The following TINAG variants were observed in gnomAD, a reference collection of about 807,000 sequenced individuals.
TINAG encodes tubulointerstitial nephritis antigen.
In TINAG, 83 loss-of-function variants were observed where a neutral mutation model predicts 72.7. The observed-to-expected ratio is 1.14, with a 90% CI of 0.96 to 1.37. The LOEUF (loss-of-function observed/expected upper bound fraction) is 1.37, where lower values mean the gene tolerates loss of function less well. TINAG is among the 40% of genes most tolerant of loss of function. The pLI is 0.00. For synonymous variants in TINAG, 234 were observed against 189.9 expected (o/e 1.23, Z -1.91); for missense variants, 685 against 576.6 (o/e 1.19, Z -1.93).
intron 8 of TINAG, among the ~76,000 whole-genome samples, chr6:54,353,524 A>G (rs1315254491): frequency 1.3e-5 from 2 of 151,914 alleles, no homozygotes; most frequent in Non-Finnish European, 2.9e-5. Flanking sequence ...AGATCTGCGT[A>G]AAGTACAGTT....
chr6:54,389,491 T>G (rs1328656143), intron 10 of TINAG, among the ~76,000 whole-genome samples: 1 of 152,216 alleles, frequency 6.6e-6, no homozygotes, highest in Admixed American at 6.5e-5. Flanking sequence ...AGTAGACAAC[T>G]CTATAACTGC....
intron 9 of TINAG, among the ~76,000 whole-genome samples, chr6:54,357,329 G>T (rs1227112239): frequency 6.6e-6 from 1 of 151,754 alleles, no homozygotes; most frequent in Non-Finnish European, 1.5e-5. Flanking sequence ...CATTCTCTGA[G>T]TTCATCCTGG....
At chr6:54,310,769 TTCTC>T (rs1784231728) in intron 1 of TINAG, among the ~76,000 whole-genome samples, 1 of 149,096 alleles carries the variant, frequency 6.7e-6, no homozygotes, top group African/African-American at 2.5e-5. Flanking sequence ...TTCTCTCTCT[TTCTC>T]TCCCTTTCTT....
At chr6:54,382,997 C>G (rs2150984034) in intron 10 of TINAG, among the ~76,000 whole-genome samples, 1 of 152,244 alleles carries the variant, frequency 6.6e-6, no homozygotes, top group Middle Eastern at 3.4e-3. Context: ...GGCTGCATTT[C>G]TTTTGAGATG....
chr6:54,347,217 A>C (rs912553865), intron 5 of TINAG, 150 bp from the exon 6 acceptor site: 1 of 736,018 alleles, frequency 1.4e-6, no homozygotes, highest in African/African-American at 1.8e-5. Flanking sequence ...AACTGTCTGG[A>C]ATACATAAAT....
At chr6:54,330,676 T>C (rs1337844549) in intron 4 of TINAG, among the ~76,000 whole-genome samples, 1 of 152,096 alleles carries the variant, frequency 6.6e-6, no homozygotes, top group Non-Finnish European at 1.5e-5. Context: ...AGCTGGTTTT[T>C]TGAAAAGATT....
At position 54,308,581 on chromosome 6, in the gene TINAG, T is replaced by C. The variant is rs1225448578; in HGVS notation, c.31T>C (p.Ser11Pro). The C allele has an allele frequency of 6.2e-7, 1 of 1,612,862 alleles. No individual in the cohort carries two copies. The highest frequency in any genetic ancestry group is 1.1e-5 in the South Asian group (1 of 90,996). The change falls in exon 1 of 11, where the codon TCT becomes CCT. Residue 11 changes from serine (S) to proline (P), a missense_variant. Transcript: ENST00000259782. MWTGYKILIF[S>P]YLTTEIWMEK... ...GACCGGATATAAGATCTTAATCTTC[T>C]CTTATCTTACTACAGAAATCTGGAT... is the stretch of plus-strand genomic sequence containing the variant.
intron 1 of TINAG, among the ~76,000 whole-genome samples, chr6:54,311,869 A>G (rs1422908418): frequency 6.6e-6 from 1 of 152,190 alleles, no homozygotes; most frequent in East Asian, 1.9e-4. Context: ...CATAAAATTT[A>G]TAGACTTATT....
Position 54,320,628 on chromosome 6 carries a change from A to C in TINAG, c.405A>C (p.Glu135Asp). The change falls in exon 2 of 11, where the codon GAA (glutamate) becomes GAC (aspartate). Residue 135 changes from glutamate (E) to aspartate (D), a missense_variant. By Grantham distance (45) the Glu-to-Asp change is conservative (BLOSUM62 2). Transcript: ENST00000259782. ...ATGAAGAGGGATCAGTAATTAAAGA[A>C]AACTGCAACTCCTGGTAATAAATTT... ...QHYEEGSVIK[E>D]NCNSCTCSGQ... 1 of 1,608,932 alleles carries C rather than the reference A, an allele frequency of 6.2e-7. No homozygotes were observed. The highest frequency in any genetic ancestry group is 8.5e-7 in the Non-Finnish European group (1 of 1,177,280).
intron 2 of TINAG, among the ~76,000 whole-genome samples, 164 bp downstream of exon 2, chr6:54,320,806 T>C (rs781673987): frequency 2.0e-5 from 3 of 152,176 alleles, no homozygotes; most frequent in Non-Finnish European, 4.4e-5. Context: ...ATATTTAATT[T>C]TAAGGGATTT....
At chr6:54,349,605 G>T (rs1582729172) in intron 6 of TINAG, 111 bp from the exon 7 acceptor site, 3 of 1,021,174 alleles carry the variant, frequency 2.9e-6, no homozygotes, top group East Asian at 5.8e-5. Context: ...AATTATGCAT[G>T]TAAGTAACCA....
intron 4 of TINAG, among the ~76,000 whole-genome samples, chr6:54,331,779 T>C (rs893443296): frequency 1.3e-5 from 2 of 152,068 alleles, no homozygotes; most frequent in African/African-American, 2.4e-5. Context: ...TGTAAATCAA[T>C]GTGAAAAAAC....
rs750703188 is a variant in TINAG at position 54,347,382 on chromosome 6, G to C, written c.764G>C (p.Arg255Pro). 1.7e-5 allele frequency: 28 copies of C among 1,612,196 alleles called. No individual in the cohort carries two copies. Among genetic ancestry groups the C allele is most frequent in the Admixed American group, 3.3e-5 (2 of 59,784 alleles). Residue 255 changes from arginine (R) to proline (P), a missense_variant, in exon 6 of 11, where the codon CGA becomes CCA. Physicochemically the swap from Arg to Pro is moderately radical, Grantham distance 103. Transcript: ENST00000259782. ...TTTGAAACAGGTGTGGCTGCTGACC[G>C]AATAGCAATTCAGTCTAAGGGTCGA... ...AFSTASVAAD[R>P]IAIQSKGRYT...
chr6:54,309,852 A>G (rs1402985669), intron 1 of TINAG, among the ~76,000 whole-genome samples: 1 of 151,894 alleles, frequency 6.6e-6, no homozygotes, highest in Non-Finnish European at 1.5e-5. Context: ...GTCAAAAAAA[A>G]AAAAAAAATC....
intron 8 of TINAG, 114 bp downstream of exon 8, chr6:54,351,511 A>G (rs1785266383): frequency 2.2e-6 from 2 of 912,308 alleles, no homozygotes; most frequent in African/African-American, 1.7e-5. Flanking sequence ...CTTTAAGAGT[A>G]TCCAAAAGGC....
At chr6:54,343,152 T>C (rs1351587779) in intron 4 of TINAG, 74 bp from the exon 5 acceptor site, 7 of 1,294,000 alleles carry the variant, frequency 5.4e-6, no homozygotes, top group Non-Finnish European at 7.1e-6. Context: ...TATAACTTTA[T>C]AAAAGGGCGT....
intron 10 of TINAG, among the ~76,000 whole-genome samples, chr6:54,388,501 T>C (rs1562190446): frequency 6.6e-6 from 1 of 152,180 alleles, no homozygotes; most frequent in African/African-American, 2.4e-5. Flanking sequence ...TCTTACATTG[T>C]AGAAAACAGT....
chr6:54,381,614 T>C (rs1562186744), intron 10 of TINAG, among the ~76,000 whole-genome samples: 1 of 152,124 alleles, frequency 6.6e-6, no homozygotes, highest in Non-Finnish European at 1.5e-5. Flanking sequence ...TTCTTCTTTA[T>C]ATTTAAACTG....
intron 1 of TINAG, among the ~76,000 whole-genome samples, chr6:54,320,160 G>A (rs1278686609): frequency 6.6e-6 from 1 of 152,048 alleles, no homozygotes; most frequent in Non-Finnish European, 1.5e-5. Context: ...TGAGTCCAAA[G>A]CTACTTGCTT....
Sources: gnomAD v4.1 joint callset for allele counts (sites outside exome capture counted in the v4.1 genomes callset) on GRCh38, gnomAD v4.1.1 for gene constraint, MANE v1.5 for transcripts, NCBI Gene and HGNC (gene_info 2026-07-23, HGNC 2026-07-21) for gene names.